Variants in DISC1 observed in about 807,000 individuals in gnomAD.
The protein encoded by DISC1 is disrupted in schizophrenia 1 protein.
Under a neutral mutation model 84.5 loss-of-function variants are expected in DISC1, and 57 were observed. The ratio of observed to expected loss-of-function variants is 0.67; its 90% CI spans 0.55 to 0.84. DISC1 has a LOEUF of 0.84. Ranked by LOEUF, DISC1 falls within the 40% of genes least tolerant of loss-of-function variation. DISC1 has a pLI of 0.00. For synonymous variants in DISC1, 411 were observed against 415.2 expected (o/e 0.99, Z 0.12); for missense variants, 1,000 against 1,057.8 (o/e 0.95, Z 0.76).
chr1:231,849,477 A>T (rs540580992), intron 9 of DISC1, among the ~76,000 whole-genome samples: 6 of 152,262 alleles, frequency 3.9e-5, no homozygotes, highest in Admixed American at 1.3e-4. Flanking sequence ...AACATGCCCA[A>T]GGTCCCCAAG....
chr1:231,686,350 CGT>C (rs1449132472), intron 1 of DISC1, among the ~76,000 whole-genome samples: 1 of 152,244 alleles, frequency 6.6e-6, no homozygotes, highest in African/African-American at 2.4e-5. Flanking sequence ...CGTTTCCATA[CGT>C]GTTCTGAAAT....
chr1:231,962,182 G>T (rs1025651947), intron 10 of DISC1, among the ~76,000 whole-genome samples: 1 of 152,108 alleles, frequency 6.6e-6, no homozygotes, highest in African/African-American at 2.4e-5. Context: ...GTCTTCTTTT[G>T]AGAAGTACCT....
intron 3 of DISC1, among the ~76,000 whole-genome samples, chr1:231,739,401 G>A (rs530821095): frequency 6.6e-5 from 10 of 152,170 alleles, no homozygotes; most frequent in African/African-American, 2.2e-4. Context: ...CCCATCTGTT[G>A]CTGTGTTCCC....
chr1:231,883,864 T>A (rs910561024), intron 9 of DISC1, among the ~76,000 whole-genome samples: 1 of 152,132 alleles, frequency 6.6e-6, no homozygotes, highest in African/African-American at 2.4e-5. Flanking sequence ...ATTCTAGAAT[T>A]CTGCCAGCCT....
rs140081846 is a variant in DISC1 at position 231,928,548 on chromosome 1, T to C, written c.1982-30280T>C. ...TTTTTTGAAGGGTTTTTCGTGTCTC[T>C]TATCTCCTTCAGTTCTGCTCTGATC... On this transcript the variant is annotated intron_variant, in intron 9 of 12. Transcript: ENST00000439617. Among the ~76,000 whole-genome samples, 135 of 152,290 alleles carry C rather than the reference T, an allele frequency of 8.9e-4. 1 individual carries two copies. The highest frequency in any genetic ancestry group is 3.1e-3 in the African/African-American group (129 of 41,566).
intron 11 of DISC1, among the ~76,000 whole-genome samples, chr1:232,017,516 A>G (rs779238132): frequency 2.9e-5 from 4 of 136,568 alleles, no homozygotes; most frequent in Non-Finnish European, 6.1e-5. Context: ...GTAGCCTGTG[A>G]CTTTCACTGC....
chr1:231,771,172 A>C (rs1034706410), intron 6 of DISC1, 102 bp downstream of exon 6: 37 of 1,463,032 alleles, frequency 2.5e-5, no homozygotes, highest in Non-Finnish European at 3.0e-5. Context: ...TTTCCCAAGC[A>C]GTCTGTATTT....
At chr1:231,713,287 C>T (rs944056075) in intron 3 of DISC1, among the ~76,000 whole-genome samples, 1 of 152,026 alleles carries the variant, frequency 6.6e-6, no homozygotes, top group Non-Finnish European at 1.5e-5. Flanking sequence ...TTCAAAGAGG[C>T]AAAATAAGTG....
At chr1:231,890,887 T>C in intron 9 of DISC1, among the ~76,000 whole-genome samples, 1 of 152,232 alleles carries the variant, frequency 6.6e-6, no homozygotes, top group East Asian at 1.9e-4. Flanking sequence ...GGGTGCTGTG[T>C]TCAGCATTTT....
intron 7 of DISC1, among the ~76,000 whole-genome samples, chr1:231,797,506 G>T (rs1183769334): frequency 1.3e-5 from 2 of 152,118 alleles, no homozygotes; most frequent in African/African-American, 2.4e-5. Flanking sequence ...GGCTGCAGAC[G>T]GTTGACTTCT....
At chr1:231,777,769 A>G (rs958462497) in intron 6 of DISC1, among the ~76,000 whole-genome samples, 5 of 152,162 alleles carry the variant, frequency 3.3e-5, no homozygotes, top group Non-Finnish European at 7.4e-5. Flanking sequence ...TCATACACTA[A>G]TTTTAATATC....
rs1391616424 is a variant in DISC1 at position 231,832,627 on chromosome 1, T to G, written c.1981+14110T>G. Among the ~76,000 whole-genome samples the G allele has an allele frequency of 5.5e-3, 827 of 150,082 alleles. 8 individuals carry two copies. Among genetic ancestry groups the G allele is most frequent in the African/African-American group, 0.019 (768 of 40,710 alleles). On this transcript the variant is annotated intron_variant, in intron 9 of 12. Coordinates refer to ENST00000439617, the MANE Select transcript of DISC1 (RefSeq NM_018662.3). Reference sequence around the variant, plus strand: ...TGAGCCTAATGGGTGTCAGGGTCAGTCTAAGTGAAAGCGAAGAGAGGCTGG... The same window carrying G: ...TGAGCCTAATGGGTGTCAGGGTCAGGCTAAGTGAAAGCGAAGAGAGGCTGG...
chr1:231,827,638 A>G (rs1303888577), intron 9 of DISC1, among the ~76,000 whole-genome samples: 1 of 152,220 alleles, frequency 6.6e-6, no homozygotes, highest in East Asian at 1.9e-4. Flanking sequence ...CTCTTATAAA[A>G]GAGAGAGAGC....
At chr1:231,725,322 G>A (rs1290271759) in intron 3 of DISC1, among the ~76,000 whole-genome samples, 1 of 152,184 alleles carries the variant, frequency 6.6e-6, no homozygotes, top group Non-Finnish European at 1.5e-5. Flanking sequence ...TCCAGACAGG[G>A]TCAAGTGAAG....
rs1316942594 is a variant in DISC1 at position 231,694,740 on chromosome 1, A to T, written c.982A>T (p.Thr328Ser). 6.2e-7 allele frequency: 1 copy of T among 1,613,916 alleles called. No individual in the cohort carries two copies. Among genetic ancestry groups the T allele is most frequent in the Non-Finnish European group, 8.5e-7 (1 of 1,180,036 alleles). Residue 328 changes from threonine to serine, a missense_variant, in exon 2 of 13, where the codon ACC becomes TCC. Around this residue, in one of 3 missense-constraint regions of DISC1, gnomAD observed 311 missense variants for 400.1 expected, o/e 0.78. Coordinates refer to ENST00000439617, the MANE Select transcript of DISC1 (RefSeq NM_018662.3). Reference protein sequence around the residue: ...SGSGDAHSWDTLLRKWEPVLR... With the variant: ...SGSGDAHSWDSLLRKWEPVLR... ...CTCAGGGGATGCCCACTCTTGGGAC[A>T]CCCTGCTCAGGAAATGGGAGCCAGT... is the stretch of plus-strand genomic sequence containing the variant.
intron 6 of DISC1, among the ~76,000 whole-genome samples, chr1:231,784,199 G>C (rs918671011): frequency 1.3e-5 from 2 of 151,360 alleles, no homozygotes; most frequent in Non-Finnish European, 2.9e-5. Flanking sequence ...GGAGGCAGAG[G>C]TTGCAGTAAA....
intron 3 of DISC1, among the ~76,000 whole-genome samples, chr1:231,703,054 T>C (rs2066607592): frequency 6.6e-6 from 1 of 152,232 alleles, no homozygotes; most frequent in African/African-American, 2.4e-5. Context: ...TGTCATAGAC[T>C]GTTGGAATTA....
chr1:231,658,964 GGT>G (rs1476671610), intron 1 of DISC1, among the ~76,000 whole-genome samples: 1 of 152,028 alleles, frequency 6.6e-6, no homozygotes, highest in Non-Finnish European at 1.5e-5. Flanking sequence ...ATCTCTGCCA[GGT>G]TTTGGTATCA....
Position 232,009,010 on chromosome 1 carries a change from C to T in DISC1, c.2268C>T (p.Leu756=), listed in dbSNP as rs1362468837. The change falls in exon 11 of 13, where the codon CTC becomes CTT. Residue 756 remains leucine (L), a synonymous_variant. Coordinates refer to ENST00000439617, the MANE Select transcript of DISC1 (RefSeq NM_018662.3). The surrounding 1 kb of genome is among the most constrained non-coding windows in gnomAD (Gnocchi z 4.6). ...TATTGGAAGAATGGAAGACTCACCT[C>T]ATCCCCTCTCTGCACTGTGCTGGAG... is the stretch of plus-strand genomic sequence containing the variant. ...LKVLEEWKTH[L]IPSLHCAGGE... 6.2e-7 allele frequency: 1 copy of T among 1,613,904 alleles called. No homozygotes were observed. The highest frequency in any genetic ancestry group is 8.5e-7 in the Non-Finnish European group (1 of 1,179,844).
Sources: allele counts gnomAD v4.1 joint callset (sites outside exome capture counted in the v4.1 genomes callset), GRCh38; gene constraint gnomAD v4.1.1; regional missense constraint gnomAD v4.1.1; non-coding constraint Gnocchi (gnomAD v3.1); transcripts MANE v1.5; gene names NCBI Gene and HGNC (gene_info 2026-07-23, HGNC 2026-07-21).